The following SV2B variants were observed in gnomAD, a reference collection of about 807,000 sequenced individuals.
SV2B encodes synaptic vesicle glycoprotein 2B, also known as solute carrier family 22 member B2.
A neutral mutation model predicts 73.9 loss-of-function variants in SV2B; 41 were observed. That is an observed-to-expected ratio of 0.56 (90% confidence interval 0.43 to 0.72). The LOEUF (loss-of-function observed/expected upper bound fraction) is 0.72, where lower values mean the gene tolerates loss of function less well. SV2B is among the 30% of genes least tolerant of loss of function. SV2B has a pLI of 0.00. For missense variants in SV2B, 764 were observed against 857.8 expected (o/e 0.89, Z 1.37); for synonymous variants, 314 against 314.2 (o/e 1.00, Z 0.01).
intron 1 of SV2B, among the ~76,000 whole-genome samples, chr15:91,150,032 T>G (rs1232008382): frequency 6.6e-6 from 1 of 152,050 alleles, no homozygotes; most frequent in African/African-American, 2.4e-5. Context: ...TTTGACAGAG[T>G]CTCACTCTGT....
chr15:91,294,820 G>T lies in SV2B; in HGVS notation c.*2268G>T, dbSNP rs2049165692. ...ATTTGGTTTCCAAGATCTCACTTCT[G>T]CATTATCTTTATGGCTCTTTAAACC... On this transcript the variant is annotated 3_prime_UTR_variant, in exon 13 of 13. Coordinates refer to ENST00000394232, the MANE Select transcript of SV2B (RefSeq NM_001323032.3). This position sits in a 1 kb window ranked among gnomAD's most constrained non-coding sequence, Gnocchi z 4.1. 6.6e-6 allele frequency: 1 copy of T among 152,356 alleles called. No homozygotes were observed. The highest frequency in any genetic ancestry group is 2.1e-4 in the South Asian group (1 of 4,830). 9.4% of individuals were successfully genotyped at this position (152,356 alleles called of 1,614,324 possible).
intron 1 of SV2B, among the ~76,000 whole-genome samples, chr15:91,198,787 G>C (rs1276479644): frequency 1.3e-5 from 2 of 152,170 alleles, no homozygotes; most frequent in East Asian, 3.8e-4. Context: ...TTAAAGCTAC[G>C]TGGAGAACTT....
chr15:91,286,028 A>G (rs1433616936), intron 11 of SV2B, among the ~76,000 whole-genome samples: 1 of 152,174 alleles, frequency 6.6e-6, no homozygotes, highest in Non-Finnish European at 1.5e-5. Context: ...CGAATGAGAG[A>G]TCTAGAACTA....
At chr15:91,145,176 C>A (rs2043111552) in intron 1 of SV2B, among the ~76,000 whole-genome samples, 1 of 152,058 alleles carries the variant, frequency 6.6e-6, no homozygotes, top group African/African-American at 2.4e-5. Flanking sequence ...GTGTGCTTTC[C>A]CCCTCACCCA....
chr15:91,289,434 G>A lies in SV2B; in HGVS notation c.1709-87G>A. 1.9e-6 allele frequency: 3 copies of A among 1,550,406 alleles called. No individual in the cohort carries two copies. The highest frequency in any genetic ancestry group is 2.7e-6 in the Non-Finnish European group (3 of 1,124,750). ...CTTGGCTTCAGGTGTACCAGTGAGG[G>A]TGGGAGATGGGGCAAGAACTGTGAG... On this transcript the variant is annotated intron_variant, in intron 11 of 12. Coordinates refer to ENST00000394232, the MANE Select transcript of SV2B (RefSeq NM_001323032.3). The surrounding 1 kb of genome is among the most constrained non-coding windows in gnomAD (Gnocchi z 4.9).
rs775139912 is a variant in SV2B, at chr15:91,106,346, G to A, written c.-392+5983G>A. 1.1e-4 allele frequency among the ~76,000 whole-genome samples: 17 copies of A among 152,266 alleles called. No individual in the cohort carries two copies. Among genetic ancestry groups the A allele is most frequent in the Admixed American group, 6.5e-4 (10 of 15,298 alleles). ...TCATTAGCATGTTATTTATTTTTCCGTGAGCCAAGTCACTGCTGTATCACT... is the reference window on the plus strand; with the variant it reads ...TCATTAGCATGTTATTTATTTTTCCATGAGCCAAGTCACTGCTGTATCACT... On this transcript the variant is annotated intron_variant, in intron 1 of 12. Transcript: ENST00000394232. The surrounding 1 kb of genome is among the most constrained non-coding windows in gnomAD (Gnocchi z 4.4).
At chr15:91,126,898 A>G (rs1323603279) in intron 1 of SV2B, among the ~76,000 whole-genome samples, 3 of 152,254 alleles carry the variant, frequency 2.0e-5, no homozygotes, top group South Asian at 2.1e-4. Context: ...GAACAACGTC[A>G]TAGTTAATGG....
rs1012754963 is a variant in SV2B at position 91,258,372 on chromosome 15, A to G, written c.785-49A>G. On this transcript the variant is annotated intron_variant, in intron 4 of 12. Coordinates refer to ENST00000394232, the MANE Select transcript of SV2B (RefSeq NM_001323032.3). This position sits in a 1 kb window ranked among gnomAD's most constrained non-coding sequence, Gnocchi z 4.7. Reference sequence around the variant, plus strand: ...GGGCTTCAGAGTCACTCTTCCGTAGAGGAAAAGATCATGTCCCAGAAATCC... The same window carrying G: ...GGGCTTCAGAGTCACTCTTCCGTAGGGGAAAAGATCATGTCCCAGAAATCC... 1 of 1,607,298 alleles carries G rather than the reference A, an allele frequency of 6.2e-7. No homozygotes were observed. Among genetic ancestry groups the G allele is most frequent in the Non-Finnish European group, 8.5e-7 (1 of 1,176,736 alleles).
intron 5 of SV2B, among the ~76,000 whole-genome samples, chr15:91,259,293 C>T (rs191737936): frequency 6.6e-6 from 1 of 152,180 alleles, no homozygotes; most frequent in East Asian, 1.9e-4. Context: ...ATGAGCCTTC[C>T]AACAGCAGGG....
In SV2B at chr15:91,224,922, A is replaced by C. The variant is rs1167428192; in HGVS notation, c.-391-951A>C. 6.6e-6 allele frequency among the ~76,000 whole-genome samples: 1 copy of C among 152,188 alleles called. No individual in the cohort carries two copies. The highest frequency in any genetic ancestry group is 1.5e-5 in the Non-Finnish European group (1 of 68,036). On this transcript the variant is annotated intron_variant, in intron 1 of 12. Coordinates refer to ENST00000394232, the MANE Select transcript of SV2B (RefSeq NM_001323032.3). The surrounding 1 kb of genome is among the most constrained non-coding windows in gnomAD (Gnocchi z 4.9). Reference sequence around the variant, plus strand: ...GGGACTCTGATTGGAATTGGGATATAGGATGAGATCTTGGCTCTAGACAAC... The same window carrying C: ...GGGACTCTGATTGGAATTGGGATATCGGATGAGATCTTGGCTCTAGACAAC...
chr15:91,115,039 G>A lies in SV2B; in HGVS notation c.-392+14676G>A, dbSNP rs2042139699. ...CACCATCACTATGACTCCCAAGATG[G>A]CAGGTAGTGAGGAAAGGGGAGTTTC... On this transcript the variant is annotated intron_variant, in intron 1 of 12. Coordinates refer to ENST00000394232, the MANE Select transcript of SV2B (RefSeq NM_001323032.3). The surrounding 1 kb of genome is among the most constrained non-coding windows in gnomAD (Gnocchi z 4.3). Among the ~76,000 whole-genome samples the A allele has an allele frequency of 6.6e-6, 1 of 152,208 alleles. No homozygotes were observed. The highest frequency in any genetic ancestry group is 2.1e-4 in the South Asian group (1 of 4,830).
chr15:91,255,742 T>G (rs1027459969), intron 4 of SV2B, among the ~76,000 whole-genome samples: 2 of 152,236 alleles, frequency 1.3e-5, no homozygotes, highest in Admixed American at 1.3e-4. Flanking sequence ...ATGATCAGGC[T>G]TAATTGAAAC....
At chr15:91,170,598 A>G (rs1398377705) in intron 1 of SV2B, among the ~76,000 whole-genome samples, 1 of 152,192 alleles carries the variant, frequency 6.6e-6, no homozygotes, top group Non-Finnish European at 1.5e-5. Flanking sequence ...GATTTGTTAG[A>G]TTTTTAAAAT....
At chr15:91,233,530 C>G (rs2046663542) in intron 2 of SV2B, among the ~76,000 whole-genome samples, 1 of 152,150 alleles carries the variant, frequency 6.6e-6, no homozygotes, top group African/African-American at 2.4e-5. Context: ...AAATTGAATT[C>G]CCAGCCTTGC....
Position 91,297,505 on chromosome 15 carries a change from G to A in SV2B, c.*4953G>A, listed in dbSNP as rs867714605. On this transcript the variant is annotated 3_prime_UTR_variant, in exon 13 of 13. Transcript: ENST00000394232. This position sits in a 1 kb window ranked among gnomAD's most constrained non-coding sequence, Gnocchi z 5.1. ...TTCAAGGCCCCATCCCCAGAGATTC[G>A]GATTCTGGGGATTTGGAATCTGGGG... 4 of 152,244 alleles carry A rather than the reference G, an allele frequency of 2.6e-5. No individual in the cohort carries two copies. Among genetic ancestry groups the A allele is most frequent in the African/African-American group, 4.8e-5 (2 of 41,548 alleles). 9.4% of individuals were successfully genotyped at this position (152,244 alleles called of 1,614,324 possible).
intron 1 of SV2B, among the ~76,000 whole-genome samples, chr15:91,120,447 A>G (rs2042301128): frequency 6.6e-6 from 1 of 152,226 alleles, no homozygotes; most frequent in East Asian, 1.9e-4. Flanking sequence ...TTATAATTCA[A>G]CATGAGATTT....
In SV2B at chr15:91,236,760, C is replaced by T. The variant is rs930729376; in HGVS notation, c.451+10046C>T. On this transcript the variant is annotated intron_variant, in intron 2 of 12. Coordinates refer to ENST00000394232, the MANE Select transcript of SV2B (RefSeq NM_001323032.3). This position sits in a 1 kb window ranked among gnomAD's most constrained non-coding sequence, Gnocchi z 4.1. ...GGGCAGACACCTGGCCCCTATTCCACTTGACATTACCTGGGGCAGCTGGAA... is the reference window on the plus strand; with the variant it reads ...GGGCAGACACCTGGCCCCTATTCCATTTGACATTACCTGGGGCAGCTGGAA... Among the ~76,000 whole-genome samples, 7 of 152,246 alleles carry T rather than the reference C, an allele frequency of 4.6e-5. No homozygotes were observed. The East Asian group carries it at 1.2e-3, about 25-fold the overall frequency.
intron 2 of SV2B, among the ~76,000 whole-genome samples, chr15:91,233,119 C>T (rs2046644977): frequency 6.6e-6 from 1 of 152,094 alleles, no homozygotes; most frequent in Admixed American, 6.6e-5. Context: ...TTGATGGGCA[C>T]TTATGTTGAT....
At chr15:91,259,407 C>T (rs1165539637) in intron 5 of SV2B, among the ~76,000 whole-genome samples, 2 of 152,154 alleles carry the variant, frequency 1.3e-5, no homozygotes, top group Admixed American at 1.3e-4. Context: ...CTATCTGCCT[C>T]CTTCCTAAGC....
Sources: allele counts gnomAD v4.1 joint callset (sites outside exome capture counted in the v4.1 genomes callset), GRCh38; gene constraint gnomAD v4.1.1; non-coding constraint Gnocchi (gnomAD v3.1); transcripts MANE v1.5; gene names NCBI Gene and HGNC (gene_info 2026-07-23, HGNC 2026-07-21).